Variants in MIR2052HG observed in about 807,000 individuals in gnomAD.
The protein encoded by MIR2052HG is MIR2052 host gene.
chr8:74,623,654 G>C (rs1231058712), intron 2 of MIR2052HG, among the ~76,000 whole-genome samples: 1 of 152,162 alleles, frequency 6.6e-6, no homozygotes, highest in Non-Finnish European at 1.5e-5. Context: ...CTCTATGACT[G>C]TGGTCAGCAT....
At chr8:74,750,198 T>C (rs1434260992) in intron 4 of MIR2052HG, among the ~76,000 whole-genome samples, 4 of 152,210 alleles carry the variant, frequency 2.6e-5, no homozygotes, top group Admixed American at 2.6e-4. Flanking sequence ...AGCAGTAATA[T>C]TTTATACTGA....
Position 74,640,785 on chromosome 8 carries a change from C to A in MIR2052HG, n.216+27845C>A, listed in dbSNP as rs182602209. Among the ~76,000 whole-genome samples, 361 of 152,294 alleles carry A rather than the reference C, an allele frequency of 2.4e-3. 1 individual carries two copies. The highest frequency in any genetic ancestry group is 8.0e-3 in the African/African-American group (334 of 41,580). ...GCCAGAGTTACATCCAGAAAAACAA[C>A]CACTTGAAACCCTTTGCCCCTATTT... On this transcript the variant is annotated intron_variant and non_coding_transcript_variant, in intron 2 of 6. Coordinates refer to ENST00000523442, the Ensembl canonical transcript of MIR2052HG.
At chr8:74,673,915 A>C (rs1435717739) in intron 2 of MIR2052HG, among the ~76,000 whole-genome samples, 3 of 144,770 alleles carry the variant, frequency 2.1e-5, no homozygotes, top group South Asian at 2.1e-4. Context: ...ATATATACAC[A>C]CACAAAATAT....
intron 4 of MIR2052HG, among the ~76,000 whole-genome samples, chr8:74,707,841 G>A (rs753393098): frequency 9.2e-5 from 14 of 152,048 alleles, no homozygotes; most frequent in South Asian, 4.1e-4. Context: ...TAAATCAACC[G>A]GAGATGATGA....
At chr8:74,629,672 A>G (rs369209145) in intron 2 of MIR2052HG, among the ~76,000 whole-genome samples, 1 of 149,854 alleles carries the variant, frequency 6.7e-6, no homozygotes, top group East Asian at 1.9e-4. Flanking sequence ...CAACACTCAC[A>G]GAAGCTGGGG....
chr8:74,733,171 G>T (rs1019524745), intron 4 of MIR2052HG, among the ~76,000 whole-genome samples: 1 of 151,866 alleles, frequency 6.6e-6, no homozygotes, highest in Non-Finnish European at 1.5e-5. Context: ...ATGCTGGTGC[G>T]CTGCACCCAC....
In MIR2052HG at chr8:74,610,149, A is replaced by C. The variant is rs1808172240; in HGVS notation, n.129-2704A>C. 2 of 151,918 alleles carry C rather than the reference A, an allele frequency of 1.3e-5. 1 individual carries two copies. Among genetic ancestry groups the C allele is most frequent in the South Asian group, 4.1e-4 (2 of 4,838 alleles). 9.4% of individuals were successfully genotyped at this position (151,918 alleles called of 1,614,324 possible). ...AAAAAAAATTCTATGGAATCTTCAAAAGATACTAGAATAATGTGTGAATTT... is the reference window on the plus strand; with the variant it reads ...AAAAAAAATTCTATGGAATCTTCAACAGATACTAGAATAATGTGTGAATTT... On this transcript the variant is annotated intron_variant and non_coding_transcript_variant, in intron 1 of 6. Coordinates refer to ENST00000523442, the Ensembl canonical transcript of MIR2052HG.
chr8:74,660,284 G>T (rs1808847839), intron 2 of MIR2052HG, among the ~76,000 whole-genome samples: 1 of 152,208 alleles, frequency 6.6e-6, no homozygotes, highest in Admixed American at 6.5e-5. Context: ...TAACTCAGCT[G>T]CCCTAGCAGT....
chr8:74,728,477 T>A (rs1454953827), intron 4 of MIR2052HG, among the ~76,000 whole-genome samples: 1 of 152,204 alleles, frequency 6.6e-6, no homozygotes, highest in Non-Finnish European at 1.5e-5. Flanking sequence ...GTGGGTCAGT[T>A]CTGTGCTGAA....
intron 4 of MIR2052HG, among the ~76,000 whole-genome samples, chr8:74,712,891 C>T (rs1472233407): frequency 6.6e-6 from 1 of 152,004 alleles, no homozygotes; most frequent in Non-Finnish European, 1.5e-5. Flanking sequence ...TGTTCTTGAC[C>T]TCAAAGAACT....
chr8:74,705,977 T>C (rs1054452038), intron 4 of MIR2052HG, among the ~76,000 whole-genome samples: 2 of 152,128 alleles, frequency 1.3e-5, no homozygotes, highest in Non-Finnish European at 2.9e-5. Context: ...AATAAAATTC[T>C]AAAAGACGAC....
chr8:74,723,048 A>C (rs775294735), intron 4 of MIR2052HG, among the ~76,000 whole-genome samples: 5 of 152,230 alleles, frequency 3.3e-5, no homozygotes, highest in African/African-American at 7.2e-5. Flanking sequence ...ATTTCATGAT[A>C]GAAATAAATG....
At chr8:74,666,269 T>G (rs887750303) in intron 2 of MIR2052HG, among the ~76,000 whole-genome samples, 1 of 152,174 alleles carries the variant, frequency 6.6e-6, no homozygotes, top group Non-Finnish European at 1.5e-5. Context: ...TTAAAAGAGA[T>G]AAAATCACAT....
chr8:74,607,286 A>T (rs1484647648), intron 1 of MIR2052HG, among the ~76,000 whole-genome samples: 1 of 152,200 alleles, frequency 6.6e-6, no homozygotes, highest in Admixed American at 6.5e-5. Flanking sequence ...ATGATATTAA[A>T]CATTTAAGCA....
chr8:74,617,693 T>C (rs776003237), intron 2 of MIR2052HG, among the ~76,000 whole-genome samples: 1 of 152,176 alleles, frequency 6.6e-6, no homozygotes, highest in Non-Finnish European at 1.5e-5. Flanking sequence ...CTTTTTGATA[T>C]AATTATTTCT....
At chr8:74,719,638 C>T (rs991774301) in intron 4 of MIR2052HG, among the ~76,000 whole-genome samples, 1 of 150,960 alleles carries the variant, frequency 6.6e-6, no homozygotes, top group African/African-American at 2.4e-5. Context: ...GCGCCCTCCA[C>T]TTAATAGTAA....
chr8:74,607,120 TA>T lies in MIR2052HG; in HGVS notation n.129-5720del, dbSNP rs930404703. On this transcript the variant is annotated intron_variant and non_coding_transcript_variant, in intron 1 of 6. Transcript: ENST00000523442. ...ATAATGACCCACACAGAGTAAAACT[TA>T]AAAAAAAAAAAAGATTTGCTTGCTA... Among the ~76,000 whole-genome samples, 629 of 135,958 alleles carry T rather than the reference TA, an allele frequency of 4.6e-3. 5 individuals are homozygous for T. Among genetic ancestry groups the T allele is most frequent in the African/African-American group, 0.01 (383 of 37,030 alleles). 89.2% of individuals were successfully genotyped at this position (135,958 alleles called of 152,430 possible).
intron 4 of MIR2052HG, among the ~76,000 whole-genome samples, chr8:74,730,349 G>A (rs1043070610): frequency 1.3e-5 from 2 of 152,120 alleles, no homozygotes; most frequent in African/African-American, 4.8e-5. Flanking sequence ...CAACTTAAGT[G>A]TTACAAACCA....
At chr8:74,714,642 T>C (rs765802569) in intron 4 of MIR2052HG, among the ~76,000 whole-genome samples, 5 of 152,058 alleles carry the variant, frequency 3.3e-5, no homozygotes, top group Non-Finnish European at 7.4e-5. Context: ...AGGTTGGTTA[T>C]CCTAGAATAA....
Sources: allele counts gnomAD v4.1 joint callset (sites outside exome capture counted in the v4.1 genomes callset), GRCh38; gene constraint gnomAD v4.1.1; transcripts MANE v1.5; gene names NCBI Gene and HGNC (gene_info 2026-07-23, HGNC 2026-07-21).